Variants in ZNF543 observed in about 807,000 individuals in gnomAD.
The protein encoded by ZNF543 is zinc finger protein 543.
Under a neutral mutation model 13.4 loss-of-function variants are expected in ZNF543, and 10 were observed. That is an observed-to-expected ratio of 0.75 (90% CI 0.46 to 1.26). The LOEUF is 1.26. Ranked by LOEUF, ZNF543 falls within the 50% of genes most tolerant of loss-of-function variation. The pLI, the probability that ZNF543 is intolerant of heterozygous loss-of-function variation, is 0.00. For missense variants in ZNF543, 768 were observed against 741.2 expected, an observed-to-expected ratio of 1.04 and a Z score of -0.42; for synonymous variants, 272 against 264.7, an observed-to-expected ratio of 1.03 and a Z score of -0.27.
intron 3 of ZNF543, among the ~76,000 whole-genome samples, chr19:57,327,363 G>A (rs1004769391): frequency 8.8e-5 from 13 of 147,594 alleles, no homozygotes; most frequent in Non-Finnish European, 1.5e-4. Flanking sequence ...GTTTGTTTCC[G>A]AGATGGAGCC....
intron 3 of ZNF543, among the ~76,000 whole-genome samples, chr19:57,327,087 A>G (rs2088126332): frequency 6.6e-6 from 1 of 151,898 alleles, no homozygotes; most frequent in Non-Finnish European, 1.5e-5. Context: ...GGCTGGTCTC[A>G]AACTCCTGGG....
At chr19:57,326,495 C>A in intron 2 of ZNF543, 138 bp from the exon 3 acceptor site, 1 of 628,110 alleles carries the variant, frequency 1.6e-6, no homozygotes. Flanking sequence ...GTTTTATGGT[C>A]ACGGTTCAAC....
At chr19:57,325,079 T>G (rs372055143) in intron 2 of ZNF543, among the ~76,000 whole-genome samples, 1 of 152,102 alleles carries the variant, frequency 6.6e-6, no homozygotes, top group Admixed American at 6.5e-5. Flanking sequence ...AGCAGCAAAG[T>G]CTCTCCAAGA....
Position 57,326,625 on chromosome 19 carries a change from A to T in ZNF543, c.146-8A>T. On this transcript the variant is annotated splice_polypyrimidine_tract_variant and splice_region_variant and intron_variant, in intron 2 of 3. Transcript: ENST00000321545. Reference sequence around the variant, plus strand: ...CTCCCTGTGTCCTCTTTTGTTCTCCATGCACAGGCTGTCCTTTGTTCAAAC... The same window carrying T: ...CTCCCTGTGTCCTCTTTTGTTCTCCTTGCACAGGCTGTCCTTTGTTCAAAC... 6 of 1,611,542 alleles carry T rather than the reference A, an allele frequency of 3.7e-6. No homozygotes were observed. Among genetic ancestry groups the T allele is most frequent in the Non-Finnish European group, 5.1e-6 (6 of 1,177,734 alleles).
At position 57,328,892 on chromosome 19, in the gene ZNF543, A is replaced by C. The variant is rs1387434311; in HGVS notation, c.1430A>C (p.Lys477Thr). 6.2e-7 allele frequency: 1 copy of C among 1,613,914 alleles called. No individual in the cohort carries two copies. Among genetic ancestry groups the C allele is most frequent in the African/African-American group, 1.3e-5 (1 of 74,922 alleles). ...IRHFSIHTGEKPYECVECGKA... is the reference protein window; with the variant it reads ...IRHFSIHTGETPYECVECGKA... ...CACTTCAGCATCCACACTGGAGAGA[A>C]ACCCTATGAGTGCGTGGAGTGTGGA... Residue 477 changes from lysine to threonine, a missense_variant, in exon 4 of 4, where the codon AAA becomes ACA. By Grantham distance (78) the Lys-to-Thr change is moderately conservative (BLOSUM62 -1). Around this residue, in one of 3 missense-constraint regions of ZNF543, gnomAD observed 677 missense variants for 631.4 expected, o/e 1.07. Transcript: ENST00000321545.
rs747060594 is a variant in ZNF543, at chr19:57,328,444, C to T, written c.982C>T (p.Arg328Ter). The T allele has an allele frequency of 5.0e-5, 81 of 1,613,870 alleles. No individual in the cohort carries two copies. Among genetic ancestry groups the T allele is most frequent in the Non-Finnish European group, 3.2e-5 (38 of 1,180,016 alleles). ...KAFRDRPGFI[R>*]HYIIHTGEKP... ...CTTTCGAGATAGGCCAGGTTTCATT[C>T]GACACTACATCATCCACACGGGAGA... The change falls in exon 4 of 4, where the codon CGA (arginine) becomes TGA (stop). Residue 328 changes from arginine to a stop codon, truncating the protein, a stop_gained. Coordinates refer to ENST00000321545, the MANE Select transcript of ZNF543 (RefSeq NM_213598.4). LOFTEE classifies it low-confidence loss of function (END_TRUNC).
At chr19:57,326,853 G>T in intron 3 of ZNF543, 125 bp downstream of exon 3, 1 of 597,410 alleles carries the variant, frequency 1.7e-6, no homozygotes, top group Non-Finnish European at 2.7e-6. Context: ...GATCCATGGA[G>T]CCTCTCCCCG....
chr19:57,329,639 A>C lies in ZNF543; in HGVS notation c.*374A>C, dbSNP rs916862697. On this transcript the variant is annotated 3_prime_UTR_variant, in exon 4 of 4. Transcript: ENST00000321545. ...GCCATTCTCCTGCCTCAGCCTCCCA[A>C]GTAGCTGGGACTACAGGCACCCGCC... The C allele has an allele frequency of 1.2e-5, 2 of 163,004 alleles. No homozygotes were observed. The highest frequency in any genetic ancestry group is 4.9e-5 in the African/African-American group (2 of 41,094). 10.1% of individuals were successfully genotyped at this position (163,004 alleles called of 1,614,324 possible).
chr19:57,323,746 C>T lies in ZNF543; in HGVS notation c.83C>T (p.Ala28Val), dbSNP rs751343054. ...FTQEEWGQLD[A>V]AQRTLYQEVM... ...CAGGAGGAGTGGGGACAGTTGGATGCAGCCCAGAGAACCTTGTATCAGGAG... is the reference window on the plus strand; with the variant it reads ...CAGGAGGAGTGGGGACAGTTGGATGTAGCCCAGAGAACCTTGTATCAGGAG... The change falls in exon 2 of 4, where the codon GCA (alanine) becomes GTA (valine). Residue 28 changes from alanine (A) to valine (V), a missense_variant. Around this residue, in one of 3 missense-constraint regions of ZNF543, gnomAD observed 77 missense variants for 75.5 expected, o/e 1.02. Transcript: ENST00000321545. The T allele has an allele frequency of 1.2e-6, 2 of 1,613,610 alleles. No homozygotes were observed. The highest frequency in any genetic ancestry group is 1.7e-5 in the Admixed American group (1 of 59,996).
Position 57,328,962 on chromosome 19 carries a change from T to G in ZNF543, c.1500T>G (p.Ile500Met). ...RSSHLTRHQQIHTGEKPYECI... is the reference protein window; with the variant it reads ...RSSHLTRHQQMHTGEKPYECI... The stretch of plus-strand genomic sequence containing the variant: ...CACACCTCACGAGGCACCAACAGAT[T>G]CACACTGGAGAGAAACCCTATGAAT... The change falls in exon 4 of 4, where the codon ATT (isoleucine) becomes ATG (methionine). Residue 500 changes from isoleucine (I) to methionine (M), a missense_variant. This residue lies in a region of ZNF543 where 677 missense variants were observed against 631.4 expected (regional missense o/e 1.07). Coordinates refer to ENST00000321545, the MANE Select transcript of ZNF543 (RefSeq NM_213598.4). 1 of 1,614,032 alleles carries G rather than the reference T, an allele frequency of 6.2e-7. No homozygotes were observed. Among genetic ancestry groups the G allele is most frequent in the Non-Finnish European group, 8.5e-7 (1 of 1,180,006 alleles).
In ZNF543 at chr19:57,326,327, G is replaced by C. The variant is rs549119069; in HGVS notation, c.146-306G>C. 1.1e-4 allele frequency among the ~76,000 whole-genome samples: 16 copies of C among 152,092 alleles called. 1 individual carries two copies. In the South Asian group the frequency reaches 3.3e-3, roughly 32 times the overall value. On this transcript the variant is annotated intron_variant, in intron 2 of 3. Coordinates refer to ENST00000321545, the MANE Select transcript of ZNF543 (RefSeq NM_213598.4). ...CTACAGGTACCCGCCACCACACCTGGCTAACTTTTTGTATTTTTAGTAGAG... is the reference window on the plus strand; with the variant it reads ...CTACAGGTACCCGCCACCACACCTGCCTAACTTTTTGTATTTTTAGTAGAG...
At position 57,327,693 on chromosome 19, in the gene ZNF543, G is replaced by T. The variant is rs769855849; in HGVS notation, c.242-11G>T. 3 of 1,585,708 alleles carry T rather than the reference G, an allele frequency of 1.9e-6. No individual in the cohort carries two copies. Among genetic ancestry groups the T allele is most frequent in the South Asian group, 2.3e-5 (2 of 85,884 alleles). On this transcript the variant is annotated splice_polypyrimidine_tract_variant and intron_variant, in intron 3 of 3. Coordinates refer to ENST00000321545, the MANE Select transcript of ZNF543 (RefSeq NM_213598.4). ...TCTAATAAGCCTTTTTGTGTATTGT[G>T]TTCGTTCCAGGTGACAACACAAAAC...
In ZNF543 at chr19:57,328,636, G is replaced by T. The variant is rs554861118; in HGVS notation, c.1174G>T (p.Glu392Ter). Residue 392 changes from glutamate to a stop codon, truncating the protein, a stop_gained, in exon 4 of 4, where the codon GAG (glutamate) becomes TAG (stop). Coordinates refer to ENST00000321545, the MANE Select transcript of ZNF543 (RefSeq NM_213598.4). LOFTEE classifies it low-confidence loss of function (END_TRUNC). ...LIQHYIIHTG[E>*]KPYKCMECGK... Reference sequence around the variant, plus strand: ...TCAACACTACATTATCCACACTGGGGAGAAGCCCTATAAGTGCATGGAGTG... The same window carrying T: ...TCAACACTACATTATCCACACTGGGTAGAAGCCCTATAAGTGCATGGAGTG... The T allele has an allele frequency of 6.2e-7, 1 of 1,613,842 alleles. No homozygotes were observed. The highest frequency in any genetic ancestry group is 1.7e-5 in the Admixed American group (1 of 59,976).
At chr19:57,325,353 C>T (rs941089393) in intron 2 of ZNF543, among the ~76,000 whole-genome samples, 1 of 152,228 alleles carries the variant, frequency 6.6e-6, no homozygotes, top group Non-Finnish European at 1.5e-5. Flanking sequence ...GTGGGTCCTA[C>T]TGCCTGTGCC....
intron 2 of ZNF543, among the ~76,000 whole-genome samples, chr19:57,325,435 G>C (rs2088115074): frequency 6.6e-6 from 1 of 152,194 alleles, no homozygotes; most frequent in Non-Finnish European, 1.5e-5. Flanking sequence ...TATATGTGCA[G>C]ATCAGCTCAT....
chr19:57,329,179 A>C lies in ZNF543; in HGVS notation c.1717A>C (p.Met573Leu), dbSNP rs10410649. The C allele has an allele frequency of 5.6e-6, 9 of 1,613,938 alleles. No homozygotes were observed. Among genetic ancestry groups the C allele is most frequent in the Non-Finnish European group, 6.8e-6 (8 of 1,179,984 alleles). Reference protein sequence around the residue: ...TIVTDVGRPFMTAQTSVNIQE... With the variant: ...TIVTDVGRPFLTAQTSVNIQE... ...TGTAACAGATGTGGGAAGACCTTTT[A>C]TGACTGCACAGACTTCAGTCAACAT... Residue 573 changes from methionine (M) to leucine (L), a missense_variant, in exon 4 of 4, where the codon ATG becomes CTG. Coordinates refer to ENST00000321545, the MANE Select transcript of ZNF543 (RefSeq NM_213598.4).
Position 57,329,475 on chromosome 19 carries a change from C to T in ZNF543, c.*210C>T. On this transcript the variant is annotated 3_prime_UTR_variant, in exon 4 of 4. Transcript: ENST00000321545. ...CACTTAGGAAAACTTTCAGCCACATCTTTCTTCTTAGTTTACAGTGAAATA... is the reference window on the plus strand; with the variant it reads ...CACTTAGGAAAACTTTCAGCCACATTTTTCTTCTTAGTTTACAGTGAAATA... 2 of 536,516 alleles carry T rather than the reference C, an allele frequency of 3.7e-6. No homozygotes were observed. The highest frequency in any genetic ancestry group is 3.1e-6 in the Non-Finnish European group (1 of 319,118). 33.2% of individuals were successfully genotyped at this position (536,516 alleles called of 1,614,324 possible). A position where few individuals can be genotyped will look rare whatever the true frequency, so the allele number is the denominator to read the frequency against.
chr19:57,327,657 A>G (rs1424061390), intron 3 of ZNF543, 47 bp from the exon 4 acceptor site: 3 of 1,540,540 alleles, frequency 1.9e-6, no homozygotes, highest in Non-Finnish European at 2.6e-6. Flanking sequence ...TGTTTTTTCT[A>G]TAATGCCATC....
At position 57,330,373 on chromosome 19, in the gene ZNF543, C is replaced by T. The variant is rs988761934; in HGVS notation, c.*1108C>T. On this transcript the variant is annotated 3_prime_UTR_variant, in exon 4 of 4. Transcript: ENST00000321545. The stretch of plus-strand genomic sequence containing the variant: ...TTTTCCTATGATTGTGGTTTCTCAG[C>T]TTCTTTACCTCTCCTTTGAGTTAGG... 3 of 151,274 alleles carry T rather than the reference C, an allele frequency of 2.0e-5. No homozygotes were observed. The highest frequency in any genetic ancestry group is 4.4e-5 in the Non-Finnish European group (3 of 67,940). 9.4% of individuals were successfully genotyped at this position (151,274 alleles called of 1,614,324 possible).
Sources: allele counts gnomAD v4.1 joint callset (sites outside exome capture counted in the v4.1 genomes callset), GRCh38; gene constraint gnomAD v4.1.1; regional missense constraint gnomAD v4.1.1; transcripts MANE v1.5; gene names NCBI Gene and HGNC (gene_info 2026-07-23, HGNC 2026-07-21).